Variants in TMEM41B observed in about 807,000 individuals in gnomAD.
The protein encoded by TMEM41B is protein stasimon.
Under a neutral mutation model 31.9 loss-of-function variants are expected in TMEM41B, and 18 were observed. The ratio of observed to expected loss-of-function variants is 0.56; its 90% CI spans 0.39 to 0.84. TMEM41B has a LOEUF of 0.84. Among genes scored for constraint, TMEM41B ranks in the 40% least tolerant of loss-of-function variants. TMEM41B has a pLI of 0.00. For missense variants in TMEM41B, 322 were observed against 348.0 expected, an observed-to-expected ratio of 0.93 and a Z score of 0.59; for synonymous variants, 144 against 124.3, an observed-to-expected ratio of 1.16 and a Z score of -1.05.
At chr11:9,299,282 C>CAAAAAAAAA (rs1180036082) in intron 2 of TMEM41B, among the ~76,000 whole-genome samples, 18 of 41,700 alleles carry the variant, frequency 4.3e-4, no homozygotes, top group South Asian at 1.7e-3. Context: ...GACTCTGTCT[C>CAAAAAAAAA]AAAAAAAAAA....
At chr11:9,296,489 G>C (rs538647766) in intron 2 of TMEM41B, among the ~76,000 whole-genome samples, 2 of 151,728 alleles carry the variant, frequency 1.3e-5, no homozygotes, top group East Asian at 3.9e-4. Flanking sequence ...AGCTGGGCAT[G>C]GTGGTGCATG....
At chr11:9,294,526 T>G (rs963207250) in intron 3 of TMEM41B, among the ~76,000 whole-genome samples, 1 of 151,354 alleles carries the variant, frequency 6.6e-6, no homozygotes, top group Admixed American at 6.6e-5. Flanking sequence ...AAAGGATGAT[T>G]ACTTTTACAA....
In TMEM41B at chr11:9,282,156, T is replaced by TC. The variant is rs1852731192; in HGVS notation, c.*1267_*1268insG. On this transcript the variant is annotated 3_prime_UTR_variant, in exon 7 of 7. Transcript: ENST00000528080. ...ACTTTGGGAGGTGGAAGTGGGCATA[T>TC]AGCCTGAGGTCAGGAGTTCAAGACC... 1 of 152,128 alleles carries TC rather than the reference T, an allele frequency of 6.6e-6. No individual in the cohort carries two copies. The highest frequency in any genetic ancestry group is 2.4e-5 in the African/African-American group (1 of 41,416). 9.4% of individuals were successfully genotyped at this position (152,128 alleles called of 1,614,324 possible). A position where few individuals can be genotyped will look rare whatever the true frequency, so the allele number is the denominator to read the frequency against.
intron 1 of TMEM41B, among the ~76,000 whole-genome samples, chr11:9,306,374 A>G (rs1368853426): frequency 2.0e-5 from 3 of 152,066 alleles, no homozygotes; most frequent in Non-Finnish European, 4.4e-5. Context: ...TCCCAGGCCA[A>G]AGGTACTGTT....
intron 1 of TMEM41B, among the ~76,000 whole-genome samples, chr11:9,305,849 C>CAA (rs1853377438): frequency 6.6e-6 from 1 of 151,874 alleles, no homozygotes; most frequent in Non-Finnish European, 1.5e-5. Context: ...TTTTGGTAGA[C>CAA]AGAGTCTACC....
intron 4 of TMEM41B, chr11:9,288,045 T>G: frequency 2.1e-6 from 1 of 486,246 alleles, no homozygotes. Context: ...TCCAAATAAT[T>G]AATGCTAGGC....
chr11:9,299,378 T>TAC (rs923969011), intron 2 of TMEM41B, among the ~76,000 whole-genome samples: 3 of 136,136 alleles, frequency 2.2e-5, no homozygotes, highest in East Asian at 2.4e-4. Context: ...AATATACATA[T>TAC]ACACACACAC....
chr11:9,301,510 CCTT>C (rs1481454718), intron 1 of TMEM41B, among the ~76,000 whole-genome samples: 2 of 152,046 alleles, frequency 1.3e-5, no homozygotes, highest in African/African-American at 4.8e-5. Flanking sequence ...TTTAGCAAAT[CCTT>C]CTTCATAAAA....
chr11:9,299,692 C>G lies in TMEM41B; in HGVS notation c.131G>C (p.Trp44Ser). 1 of 1,601,122 alleles carries G rather than the reference C, an allele frequency of 6.2e-7. No individual in the cohort carries two copies. The highest frequency in any genetic ancestry group is 8.5e-7 in the Non-Finnish European group (1 of 1,175,788). Residue 44 changes from tryptophan to serine, a missense_variant, in exon 2 of 7, where the codon TGG becomes TCG. Transcript: ENST00000528080. Reference protein sequence around the residue: ...GSRDHQKEKSWVEAGSARMSL... With the variant: ...GSRDHQKEKSSVEAGSARMSL... ...CATTCTTGCTGATCCAGCTTCTACC[C>G]AGGATTTTTCTGGAAGAAAAAAGAA...
At chr11:9,288,369 G>A in intron 4 of TMEM41B, 73 bp downstream of exon 4, 1 of 1,037,810 alleles carries the variant, frequency 9.6e-7, no homozygotes, top group Non-Finnish European at 1.4e-6. Flanking sequence ...AGACTAGTAG[G>A]GTTAAAGTAT....
chr11:9,308,650 TC>T (rs745651427), intron 1 of TMEM41B, among the ~76,000 whole-genome samples: 3 of 152,200 alleles, frequency 2.0e-5, no homozygotes, highest in African/African-American at 4.8e-5. Context: ...CACTGAGTGA[TC>T]CATCACAGAA....
intron 3 of TMEM41B, among the ~76,000 whole-genome samples, chr11:9,291,578 T>C (rs1852961047): frequency 6.6e-6 from 1 of 151,824 alleles, no homozygotes; most frequent in South Asian, 2.1e-4. Context: ...ATTTTTTTTA[T>C]TTTTAGTACA....
chr11:9,311,786 T>A, intron 1 of TMEM41B: 2 of 574,040 alleles, frequency 3.5e-6, no homozygotes, highest in Non-Finnish European at 6.3e-6. Context: ...CTCTCTCATC[T>A]TCATCATGCA....
At chr11:9,305,436 T>A (rs981134171) in intron 1 of TMEM41B, among the ~76,000 whole-genome samples, 1 of 152,048 alleles carries the variant, frequency 6.6e-6, no homozygotes, top group Non-Finnish European at 1.5e-5. Flanking sequence ...CTGTCTCTAC[T>A]AAAAATATAA....
chr11:9,286,431 C>A, intron 6 of TMEM41B, 24 bp downstream of exon 6: 1 of 1,598,420 alleles, frequency 6.3e-7, no homozygotes, highest in Non-Finnish European at 8.5e-7. Flanking sequence ...TGAGCTCATA[C>A]ACAGCAAGAA....
At chr11:9,291,264 C>T (rs1238533612) in intron 3 of TMEM41B, among the ~76,000 whole-genome samples, 1 of 152,008 alleles carries the variant, frequency 6.6e-6, no homozygotes, top group East Asian at 1.9e-4. Context: ...TGCCTGTAAT[C>T]TCAGCTACTT....
chr11:9,309,866 T>A (rs977662225), intron 1 of TMEM41B, among the ~76,000 whole-genome samples: 6 of 147,464 alleles, frequency 4.1e-5, no homozygotes, highest in African/African-American at 1.5e-4. Flanking sequence ...AGGTTGCAAG[T>A]GAGCCAAGAT....
intron 1 of TMEM41B, among the ~76,000 whole-genome samples, chr11:9,300,115 G>A (rs1003369468): frequency 3.3e-5 from 5 of 151,866 alleles, no homozygotes; most frequent in African/African-American, 1.2e-4. Flanking sequence ...GCAAAACTTC[G>A]TCTAAAAAAA....
chr11:9,303,928 A>G (rs1462188849), intron 1 of TMEM41B, among the ~76,000 whole-genome samples: 1 of 152,138 alleles, frequency 6.6e-6, no homozygotes, highest in Non-Finnish European at 1.5e-5. Context: ...TTGGCCTCCC[A>G]AAGTGTTAGG....
Sources: gnomAD v4.1 joint callset for allele counts (sites outside exome capture counted in the v4.1 genomes callset) on GRCh38, gnomAD v4.1.1 for gene constraint, MANE v1.5 for transcripts, NCBI Gene and HGNC (gene_info 2026-07-23, HGNC 2026-07-21) for gene names.